ADGRB3: variants seen among roughly 807,000 people sequenced by gnomAD.
ADGRB3 encodes the protein adhesion G protein-coupled receptor B3.
ADGRB3 carries 37 observed loss-of-function variants against 193.4 expected under a neutral mutation model. The ratio of observed to expected loss-of-function variants is 0.19; its 90% CI spans 0.15 to 0.25. The LOEUF (loss-of-function observed/expected upper bound fraction) is 0.25. Among genes scored for constraint, ADGRB3 ranks in the 10% least tolerant of loss-of-function variants. The pLI is 1.00. For missense variants in ADGRB3, 1,637 were observed against 1,852.9 expected, an observed-to-expected ratio of 0.88 and a Z score of 2.14; for synonymous variants, 690 against 644.2, an observed-to-expected ratio of 1.07 and a Z score of -1.08.
intron 12 of ADGRB3, among the ~76,000 whole-genome samples, chr6:69,016,680 C>G (rs1770101442): frequency 6.6e-6 from 1 of 151,850 alleles, no homozygotes; most frequent in African/African-American, 2.4e-5. Flanking sequence ...ATATTTACCT[C>G]TCAAAGAGAG....
At chr6:68,700,185 G>C (rs1273867549) in intron 3 of ADGRB3, among the ~76,000 whole-genome samples, 4 of 152,126 alleles carry the variant, frequency 2.6e-5, no homozygotes, top group African/African-American at 9.7e-5. Flanking sequence ...AGGGCAAAGG[G>C]AGGGACAGGG....
intron 3 of ADGRB3, among the ~76,000 whole-genome samples, chr6:68,656,810 G>A (rs572420131): frequency 3.3e-5 from 5 of 151,594 alleles, no homozygotes; most frequent in African/African-American, 1.2e-4. Flanking sequence ...ATGACCTTTG[G>A]CAGTTTGCTT....
chr6:69,134,934 G>A (rs2150335585), intron 17 of ADGRB3, among the ~76,000 whole-genome samples: 1 of 151,950 alleles, frequency 6.6e-6, no homozygotes, highest in African/African-American at 2.4e-5. Context: ...GTTTTCATAT[G>A]CATTTTTTCT....
At position 69,315,253 on chromosome 6, in the gene ADGRB3, A is replaced by G. The variant is rs142837100; in HGVS notation, c.2815-9619A>G. On this transcript the variant is annotated intron_variant, in intron 20 of 31. Coordinates refer to ENST00000370598, the MANE Select transcript of ADGRB3 (RefSeq NM_001704.3). ...ATGTGCTTCTTTATTTGCTGAGTGT[A>G]TAACTTCAGACAAGTTATTTAAACT... 6.1e-3 allele frequency among the ~76,000 whole-genome samples: 924 copies of G among 151,598 alleles called. 11 individuals carry two copies. Among genetic ancestry groups the G allele is most frequent in the African/African-American group, 0.021 (887 of 41,462 alleles).
At chr6:69,137,521 A>G (rs80287141) in intron 17 of ADGRB3, among the ~76,000 whole-genome samples, 2,405 of 152,214 alleles carry the variant, frequency 0.016, 87 homozygotes, top group East Asian at 0.1. Flanking sequence ...CCCCTTGTCC[A>G]GGCATGGTGG....
chr6:69,046,803 C>A (rs1771249154), intron 13 of ADGRB3, among the ~76,000 whole-genome samples: 1 of 152,064 alleles, frequency 6.6e-6, no homozygotes, highest in Non-Finnish European at 1.5e-5. Context: ...TAATTTTCAT[C>A]CTCCTGATTT....
At chr6:69,140,711 C>T (rs1222145474) in intron 17 of ADGRB3, among the ~76,000 whole-genome samples, 3 of 151,924 alleles carry the variant, frequency 2.0e-5, no homozygotes, top group African/African-American at 7.3e-5. Context: ...CCCATCTACC[C>T]TAATGAGATT....
chr6:69,298,814 G>T (rs1767890352), intron 20 of ADGRB3, among the ~76,000 whole-genome samples: 1 of 151,850 alleles, frequency 6.6e-6, no homozygotes, highest in Admixed American at 6.6e-5. Flanking sequence ...CCATATTTTG[G>T]CTATAGTGAA....
At chr6:69,212,653 A>C (rs534100331) in intron 17 of ADGRB3, among the ~76,000 whole-genome samples, 1 of 152,302 alleles carries the variant, frequency 6.6e-6, no homozygotes, top group South Asian at 2.1e-4. Flanking sequence ...AGAATATTTG[A>C]AATATTTAAT....
At chr6:68,941,505 A>G (rs973216311) in intron 5 of ADGRB3, among the ~76,000 whole-genome samples, 59 of 152,272 alleles carry the variant, frequency 3.9e-4, no homozygotes, top group African/African-American at 1.4e-3. Flanking sequence ...AGATTCATGG[A>G]GGAAAATATG....
chr6:68,847,787 C>T (rs964308216), intron 3 of ADGRB3, among the ~76,000 whole-genome samples: 3 of 150,618 alleles, frequency 2.0e-5, no homozygotes, highest in Admixed American at 6.6e-5. Flanking sequence ...GAGGTGGGGT[C>T]GGGGAAAGAA....
At chr6:69,369,803 T>A (rs951882294) in intron 29 of ADGRB3, among the ~76,000 whole-genome samples, 8 of 152,142 alleles carry the variant, frequency 5.3e-5, no homozygotes, top group African/African-American at 1.7e-4. Flanking sequence ...TTAGAATGAT[T>A]TCTAAGTTAT....
chr6:68,942,602 T>A (rs1429165642), intron 5 of ADGRB3, among the ~76,000 whole-genome samples: 1 of 152,060 alleles, frequency 6.6e-6, no homozygotes, highest in African/African-American at 2.4e-5. Context: ...AGGGAAGGGA[T>A]CAAACACTGA....
intron 3 of ADGRB3, among the ~76,000 whole-genome samples, chr6:68,729,906 T>C (rs547799722): frequency 6.6e-6 from 1 of 151,606 alleles, no homozygotes; most frequent in Admixed American, 6.6e-5. Flanking sequence ...AGTACTCTTA[T>C]GAGCTCTGGA....
chr6:69,226,787 C>A (rs563490612), intron 17 of ADGRB3, among the ~76,000 whole-genome samples: 58 of 152,322 alleles, frequency 3.8e-4, no homozygotes, highest in East Asian at 1.2e-3. Context: ...TTGCGTATAA[C>A]CTCACTAACA....
intron 17 of ADGRB3, among the ~76,000 whole-genome samples, chr6:69,136,939 C>T (rs914082888): frequency 1.3e-4 from 20 of 151,962 alleles, no homozygotes; most frequent in Non-Finnish European, 2.5e-4. Context: ...AGTACAGAAC[C>T]GATTTCAATC....
intron 3 of ADGRB3, among the ~76,000 whole-genome samples, chr6:68,787,571 GAT>G (rs1767002422): frequency 6.6e-6 from 1 of 152,052 alleles, no homozygotes; most frequent in South Asian, 2.1e-4. Flanking sequence ...TTTTACTGAG[GAT>G]TTTTGCATCG....
At chr6:68,695,069 A>AGT (rs1197380311) in intron 3 of ADGRB3, among the ~76,000 whole-genome samples, 1 of 152,034 alleles carries the variant, frequency 6.6e-6, no homozygotes, top group African/African-American at 2.4e-5. Context: ...GAGCACCTGA[A>AGT]GTGTGGCTAA....
At chr6:69,103,960 T>C (rs1200553748) in intron 17 of ADGRB3, among the ~76,000 whole-genome samples, 2 of 152,104 alleles carry the variant, frequency 1.3e-5, no homozygotes, top group Non-Finnish European at 2.9e-5. Flanking sequence ...TTAATATTGT[T>C]AGGCACTGAA....
Sources: gnomAD v4.1 joint callset for allele counts (sites outside exome capture counted in the v4.1 genomes callset) on GRCh38, gnomAD v4.1.1 for gene constraint, MANE v1.5 for transcripts, NCBI Gene and HGNC (gene_info 2026-07-23, HGNC 2026-07-21) for gene names.